The following INTU variants were observed in gnomAD, a reference collection of about 807,000 sequenced individuals.
INTU encodes the protein inturned planar cell polarity protein, also known as protein inturned.
INTU carries 68 observed loss-of-function variants against 100.5 expected under a neutral mutation model. That is an observed-to-expected ratio of 0.68 (90% CI 0.56 to 0.83). INTU has a LOEUF of 0.83. Ranked by LOEUF, INTU falls within the 40% of genes least tolerant of loss-of-function variation. INTU has a pLI of 0.00. For missense variants in INTU, 1,071 were observed against 1,114.7 expected (o/e 0.96, Z 0.56); for synonymous variants, 357 against 395.7 (o/e 0.90, Z 1.16).
intron 5 of INTU, among the ~76,000 whole-genome samples, chr4:127,673,184 T>C (rs1450823825): frequency 1.3e-5 from 2 of 152,124 alleles, no homozygotes; most frequent in Non-Finnish European, 2.9e-5. Context: ...AGCTTTTTTT[T>C]GTTTTGTTTT....
chr4:127,713,583 A>G (rs1731163345), intron 14 of INTU, among the ~76,000 whole-genome samples: 1 of 152,192 alleles, frequency 6.6e-6, no homozygotes, highest in South Asian at 2.1e-4. Flanking sequence ...TTTAAAACAC[A>G]CAAAGAAGAT....
intron 4 of INTU, among the ~76,000 whole-genome samples, chr4:127,668,544 G>A (rs757002965): frequency 4.0e-5 from 6 of 151,336 alleles, no homozygotes; most frequent in Non-Finnish European, 7.4e-5. Context: ...GTCTTGGCTT[G>A]GATTTAATGA....
At chr4:127,685,566 A>G (rs1181780256) in intron 7 of INTU, 4 of 438,032 alleles carry the variant, frequency 9.1e-6, no homozygotes, top group African/African-American at 2.0e-5. Context: ...CATTTTCCAG[A>G]TAAGTGAGCT....
In INTU at chr4:127,717,914, A is replaced by C. The variant is rs1459418022; in HGVS notation, c.*1478A>C. On this transcript the variant is annotated 3_prime_UTR_variant, in exon 16 of 16. Coordinates refer to ENST00000335251, the MANE Select transcript of INTU (RefSeq NM_015693.4). ...TCATTGTTGGATGAATAGATTGCCAAAATTTTCTCCCACTCTGTAGGTTGC... is the reference window on the plus strand; with the variant it reads ...TCATTGTTGGATGAATAGATTGCCACAATTTTCTCCCACTCTGTAGGTTGC... 2 of 152,162 alleles carry C rather than the reference A, an allele frequency of 1.3e-5. No individual in the cohort carries two copies. Among genetic ancestry groups the C allele is most frequent in the South Asian group, 2.1e-4 (1 of 4,826 alleles). 9.4% of individuals were successfully genotyped at this position (152,162 alleles called of 1,614,324 possible).
intron 3 of INTU, among the ~76,000 whole-genome samples, chr4:127,658,766 T>C (rs1376876818): frequency 1.3e-5 from 2 of 152,198 alleles, no homozygotes; most frequent in Non-Finnish European, 2.9e-5. Context: ...GAAATTAGGA[T>C]TTAATATTTT....
intron 6 of INTU, among the ~76,000 whole-genome samples, chr4:127,677,754 T>A (rs1223917509): frequency 1.3e-5 from 2 of 152,166 alleles, no homozygotes; most frequent in Non-Finnish European, 2.9e-5. Flanking sequence ...GGACGGAGAA[T>A]GACTTTGACG....
In INTU at chr4:127,719,661, C is replaced by A. The variant is rs1206203162; in HGVS notation, c.*3225C>A. ...ATTAATTACTGCCTCAATTTCAGAA[C>A]TTGTTATTGGTCTATTCAGTGATTC... On this transcript the variant is annotated 3_prime_UTR_variant, in exon 16 of 16. Coordinates refer to ENST00000335251, the MANE Select transcript of INTU (RefSeq NM_015693.4). 6.6e-6 allele frequency: 1 copy of A among 152,092 alleles called. No homozygotes were observed. Among genetic ancestry groups the A allele is most frequent in the Non-Finnish European group, 1.5e-5 (1 of 68,018 alleles). 9.4% of individuals were successfully genotyped at this position (152,092 alleles called of 1,614,324 possible).
chr4:127,719,137 T>C lies in INTU; in HGVS notation c.*2701T>C, dbSNP rs1039978864. ...GTGAGTCTGTCATAAATGGCTCTTA[T>C]TATTTTGAAGTATGTTCCTTCAATA... On this transcript the variant is annotated 3_prime_UTR_variant, in exon 16 of 16. Transcript: ENST00000335251. The C allele has an allele frequency of 1.3e-5, 2 of 152,208 alleles. No homozygotes were observed. The highest frequency in any genetic ancestry group is 2.9e-5 in the Non-Finnish European group (2 of 68,036). 9.4% of individuals were successfully genotyped at this position (152,208 alleles called of 1,614,324 possible).
At position 127,725,548 on chromosome 4, in the gene INTU, A is replaced by G. The variant is rs1731405510; in HGVS notation, c.*9112A>G. 6.6e-6 allele frequency: 1 copy of G among 152,226 alleles called. No homozygotes were observed. The highest frequency in any genetic ancestry group is 6.5e-5 in the Admixed American group (1 of 15,280). 9.4% of individuals were successfully genotyped at this position (152,226 alleles called of 1,614,324 possible). A position where few individuals can be genotyped will look rare whatever the true frequency, so the allele number is the denominator to read the frequency against. Reference sequence around the variant, plus strand: ...GCTGTTGATCACCTCAGGTTTTCATACAAACTGAACTAAGGTAGGGTTTTA... The same window carrying G: ...GCTGTTGATCACCTCAGGTTTTCATGCAAACTGAACTAAGGTAGGGTTTTA... On this transcript the variant is annotated 3_prime_UTR_variant, in exon 16 of 16. Transcript: ENST00000335251.
At chr4:127,694,827 T>C (rs1193291488) in intron 8 of INTU, among the ~76,000 whole-genome samples, 1 of 152,196 alleles carries the variant, frequency 6.6e-6, no homozygotes, top group African/African-American at 2.4e-5. Context: ...AGTATTTATG[T>C]GAGTATATTT....
At chr4:127,703,694 A>T (rs1319931797) in intron 9 of INTU, among the ~76,000 whole-genome samples, 1 of 152,018 alleles carries the variant, frequency 6.6e-6, no homozygotes, top group Admixed American at 6.6e-5. Flanking sequence ...GTTGAATTTC[A>T]TGTTATCTCT....
rs538573715 is a variant in INTU, at chr4:127,676,766, G to A, written c.1181+2553G>A. On this transcript the variant is annotated intron_variant, in intron 6 of 15. Transcript: ENST00000335251. ...GTGGGCACAGGACAGTGGGTGCAGCGCACCATGCCTGAGCCGAAGCAGGGA... is the reference window on the plus strand; with the variant it reads ...GTGGGCACAGGACAGTGGGTGCAGCACACCATGCCTGAGCCGAAGCAGGGA... 6.6e-5 allele frequency among the ~76,000 whole-genome samples: 10 copies of A among 152,214 alleles called. No individual in the cohort carries two copies. In the South Asian group the frequency reaches 8.3e-4, roughly 13 times the overall value.
chr4:127,695,775 G>C (rs1260513404), intron 8 of INTU, among the ~76,000 whole-genome samples: 1 of 152,082 alleles, frequency 6.6e-6, no homozygotes, highest in Non-Finnish European at 1.5e-5. Context: ...GCCCCTTTCT[G>C]ATCTTAGGAA....
chr4:127,660,664 G>A lies in INTU; in HGVS notation c.769-2717G>A, dbSNP rs532271104. The stretch of plus-strand genomic sequence containing the variant: ...GACTGAAGTAGAAAGAAAAGACAAA[G>A]CAACAAGACTTTGGAAGTGATGAGT... On this transcript the variant is annotated intron_variant, in intron 3 of 15. Coordinates refer to ENST00000335251, the MANE Select transcript of INTU (RefSeq NM_015693.4). 1.2e-3 allele frequency among the ~76,000 whole-genome samples: 178 copies of A among 152,276 alleles called. 3 individuals are homozygous for A. The South Asian group carries it at 0.036, about 30-fold the overall frequency.
chr4:127,683,839 T>C (rs1019138295), intron 6 of INTU: 1 of 152,184 alleles, frequency 6.6e-6, no homozygotes. Flanking sequence ...GTTTACTTAT[T>C]TGTATAATGG....
intron 8 of INTU, among the ~76,000 whole-genome samples, chr4:127,696,608 T>G (rs1186715489): frequency 6.6e-6 from 1 of 152,074 alleles, no homozygotes; most frequent in Non-Finnish European, 1.5e-5. Context: ...TACGTTTTAT[T>G]GATTTTTTTC....
intron 4 of INTU, among the ~76,000 whole-genome samples, chr4:127,668,668 G>A (rs894619831): frequency 1.3e-5 from 2 of 151,616 alleles, no homozygotes; most frequent in Non-Finnish European, 3.0e-5. Flanking sequence ...CACAGGGGAC[G>A]AGAATAACTG....
chr4:127,667,513 T>C (rs1728748157), intron 4 of INTU, among the ~76,000 whole-genome samples: 1 of 152,120 alleles, frequency 6.6e-6, no homozygotes, highest in Non-Finnish European at 1.5e-5. Context: ...ACATATTTAA[T>C]AAAAGCTTAG....
intron 5 of INTU, among the ~76,000 whole-genome samples, chr4:127,669,967 A>G (rs181756141): frequency 5.3e-5 from 8 of 152,026 alleles, no homozygotes; most frequent in Admixed American, 4.6e-4. Flanking sequence ...GGACAGATGC[A>G]TTCGTCATCA....
Sources: gnomAD v4.1 joint callset for allele counts (sites outside exome capture counted in the v4.1 genomes callset) on GRCh38, gnomAD v4.1.1 for gene constraint, MANE v1.5 for transcripts, NCBI Gene and HGNC (gene_info 2026-07-23, HGNC 2026-07-21) for gene names.